Variants in GPX6 observed in about 807,000 individuals in gnomAD.
GPX6 encodes glutathione peroxidase 6.
GPX6 carries 21 observed loss-of-function variants against 20.0 expected under a neutral mutation model. The ratio of observed to expected loss-of-function variants is 1.05; its 90% confidence interval spans 0.74 to 1.51. GPX6 has a LOEUF of 1.51. Ranked by LOEUF, GPX6 falls within the 40% of genes most tolerant of loss-of-function variation. GPX6 has a pLI of 0.00. For missense variants in GPX6, 233 were observed against 254.7 expected (o/e 0.91, Z 0.58); for synonymous variants, 75 against 98.0 (o/e 0.77, Z 1.38).
chr6:28,509,825 A>G (rs997980236), intron 2 of GPX6, among the ~76,000 whole-genome samples: 1 of 152,228 alleles, frequency 6.6e-6, no homozygotes, highest in Non-Finnish European at 1.5e-5. Flanking sequence ...ATTCTTCTAC[A>G]TTGCCAGTCA....
At chr6:28,515,446 G>C (rs977372570) in intron 1 of GPX6, among the ~76,000 whole-genome samples, 27 of 152,336 alleles carry the variant, frequency 1.8e-4, no homozygotes, top group African/African-American at 4.8e-4. Context: ...TCAGTTCAAA[G>C]AGCTACTAGG....
At chr6:28,513,187 A>G (rs1762940605) in intron 1 of GPX6, among the ~76,000 whole-genome samples, 1 of 152,166 alleles carries the variant, frequency 6.6e-6, no homozygotes, top group South Asian at 2.1e-4. Context: ...CTCCATGCCC[A>G]CGTGTGATCC....
intron 1 of GPX6, among the ~76,000 whole-genome samples, chr6:28,512,814 T>A (rs778527392): frequency 5.3e-5 from 8 of 151,784 alleles, no homozygotes; most frequent in Non-Finnish European, 1.2e-4. Flanking sequence ...AATGAACAAC[T>A]CCAGACGCGC....
At chr6:28,511,605 A>T (rs990099494) in intron 1 of GPX6, among the ~76,000 whole-genome samples, 2 of 152,262 alleles carry the variant, frequency 1.3e-5, no homozygotes, top group Non-Finnish European at 2.9e-5. Flanking sequence ...GAAGCACATC[A>T]GCGGAGGAAC....
intron 1 of GPX6, among the ~76,000 whole-genome samples, chr6:28,512,174 C>T (rs1686843130): frequency 6.6e-6 from 1 of 152,242 alleles, no homozygotes; most frequent in South Asian, 2.1e-4. Context: ...GGAGTGCGGG[C>T]GCAGGGCGCG....
Position 28,515,706 on chromosome 6 carries a change from A to C in GPX6, c.38T>G (p.Phe13Cys), listed in dbSNP as rs769939917. The change falls in exon 1 of 5, where the codon TTT (phenylalanine) becomes TGT (cysteine). Residue 13 changes from phenylalanine (F) to cysteine (C), a missense_variant. Transcript: ENST00000361902. ...CTGCTGAGCAAAGCCAACCAGGAAA[A>C]ACAGGACAAGACAGGAGGCCTGGAA... Reference protein sequence around the residue: ...QQFQASCLVLFFLVGFAQQTL... With the variant: ...QQFQASCLVLCFLVGFAQQTL... The C allele has an allele frequency of 5.1e-5, 83 of 1,613,908 alleles. No individual in the cohort carries two copies. Among genetic ancestry groups the C allele is most frequent in the Non-Finnish European group, 6.9e-5 (82 of 1,179,936 alleles).
At chr6:28,511,884 G>T (rs1404579867) in intron 1 of GPX6, among the ~76,000 whole-genome samples, 1 of 152,258 alleles carries the variant, frequency 6.6e-6, no homozygotes, top group Non-Finnish European at 1.5e-5. Flanking sequence ...GCACTTGCGG[G>T]CCAGCGCGAA....
chr6:28,506,573 G>T, intron 2 of GPX6, 144 bp from the exon 3 acceptor site: 7 of 501,848 alleles, frequency 1.4e-5, no homozygotes, highest in Non-Finnish European at 2.5e-5. Context: ...GATCAAAGGA[G>T]TAGAGAAAAA....
intron 2 of GPX6, among the ~76,000 whole-genome samples, chr6:28,507,650 C>T (rs544879436): frequency 3.3e-5 from 5 of 152,280 alleles, no homozygotes; most frequent in South Asian, 2.1e-4. Context: ...CTGCAATCTC[C>T]GCCTCCCAGG....
chr6:28,511,098 C>T (rs571116101), intron 1 of GPX6, among the ~76,000 whole-genome samples, 194 bp from the exon 2 acceptor site: 1 of 152,176 alleles, frequency 6.6e-6, no homozygotes, highest in African/African-American at 2.4e-5. Flanking sequence ...AATTACAAGC[C>T]ATTTTTTTGT....
chr6:28,506,400 T>A lies in GPX6; in HGVS notation c.271A>T (p.Asn91Tyr). 6.2e-7 allele frequency: 1 copy of A among 1,613,516 alleles called. No homozygotes were observed. Among genetic ancestry groups the A allele is most frequent in the South Asian group, 1.1e-5 (1 of 91,066 alleles). The part of the protein sequence containing the change: ...ELNALQEELK[N>Y]FGVIVLAFPC... ...AAGGCCAACACAATGACACCAAAAT[T>A]CTTCAGCTCCTCCTGTAGTGCATTC... Residue 91 changes from asparagine (N) to tyrosine (Y), a missense_variant, in exon 3 of 5, where the codon AAT becomes TAT. Physicochemically the swap from Asn to Tyr is moderately radical, Grantham distance 143 (BLOSUM62 -2). Coordinates refer to ENST00000361902, the MANE Select transcript of GPX6 (RefSeq NM_182701.1).
chr6:28,513,042 C>T (rs1485386244), intron 1 of GPX6, among the ~76,000 whole-genome samples: 4 of 152,300 alleles, frequency 2.6e-5, no homozygotes, highest in Non-Finnish European at 4.4e-5. Flanking sequence ...ATTTTGAACA[C>T]AGTAGGAGCA....
At chr6:28,509,640 A>G (rs1253029856) in intron 2 of GPX6, among the ~76,000 whole-genome samples, 2 of 152,246 alleles carry the variant, frequency 1.3e-5, no homozygotes, top group Non-Finnish European at 2.9e-5. Flanking sequence ...AGCATAAAAT[A>G]AAGTTCTTGG....
At chr6:28,504,548 T>A in intron 4 of GPX6, 50 bp from the exon 5 acceptor site, 1 of 1,518,194 alleles carries the variant, frequency 6.6e-7, no homozygotes. Flanking sequence ...TCTACTTTAT[T>A]TCTACTTCTG....
chr6:28,510,612 A>C, intron 2 of GPX6, 139 bp downstream of exon 2: 1 of 718,898 alleles, frequency 1.4e-6, no homozygotes. Context: ...GCAGAGCAGG[A>C]GCAGCATTTA....
chr6:28,515,630 A>T, intron 1 of GPX6, 27 bp downstream of exon 1: 1 of 1,590,620 alleles, frequency 6.3e-7, no homozygotes, highest in East Asian at 2.2e-5. Flanking sequence ...TGCTGGAATC[A>T]GCTCGGATCC....
intron 3 of GPX6, among the ~76,000 whole-genome samples, 183 bp from the exon 4 acceptor site, chr6:28,505,985 T>C (rs1440159325): frequency 6.6e-6 from 1 of 152,216 alleles, no homozygotes; most frequent in Non-Finnish European, 1.5e-5. Context: ...ATGGCGCCAA[T>C]AGAGAATTCT....
chr6:28,514,120 T>C (rs764001560), intron 1 of GPX6, among the ~76,000 whole-genome samples: 14 of 152,266 alleles, frequency 9.2e-5, no homozygotes, highest in African/African-American at 1.7e-4. Context: ...TTTGTCTTTC[T>C]TGCTACTATA....
At chr6:28,507,502 A>G (rs770477461) in intron 2 of GPX6, among the ~76,000 whole-genome samples, 5 of 152,250 alleles carry the variant, frequency 3.3e-5, no homozygotes, top group Non-Finnish European at 5.9e-5. Flanking sequence ...GAACTAATTT[A>G]ATAAATTATA....
Sources: gnomAD v4.1 joint callset for allele counts (sites outside exome capture counted in the v4.1 genomes callset) on GRCh38, gnomAD v4.1.1 for gene constraint, MANE v1.5 for transcripts, NCBI Gene and HGNC (gene_info 2026-07-23, HGNC 2026-07-21) for gene names.